DYM: variants seen among roughly 807,000 people sequenced by gnomAD.
DYM encodes dyggve-Melchior-Clausen syndrome protein.
A neutral mutation model predicts 93.1 loss-of-function variants in DYM; 78 were observed. The ratio of observed to expected loss-of-function variants is 0.84; its 90% CI spans 0.70 to 1.01. The LOEUF is 1.01. Ranked by LOEUF, DYM falls within the 50% of genes least tolerant of loss-of-function variation. DYM has a pLI of 0.00. For synonymous variants in DYM, 321 were observed against 319.7 expected (o/e 1.00, Z -0.04); for missense variants, 789 against 845.0 (o/e 0.93, Z 0.82).
intron 17 of DYM, among the ~76,000 whole-genome samples, chr18:49,090,593 C>A (rs1227677768): frequency 1.3e-5 from 2 of 152,188 alleles, no homozygotes; most frequent in Non-Finnish European, 1.5e-5. Flanking sequence ...CCTGAACATA[C>A]ACATGCTCTA....
chr18:49,377,752 G>T (rs143550793), intron 5 of DYM, among the ~76,000 whole-genome samples: 1 of 152,268 alleles, frequency 6.6e-6, no homozygotes, highest in African/African-American at 2.4e-5. Flanking sequence ...TAGCAACACA[G>T]TTGAAACCAC....
At chr18:49,055,371 C>T (rs930298082) in intron 17 of DYM, among the ~76,000 whole-genome samples, 9 of 152,164 alleles carry the variant, frequency 5.9e-5, no homozygotes, top group African/African-American at 2.2e-4. Flanking sequence ...CCATCAGCTG[C>T]GGGGCACCAG....
At chr18:49,236,203 A>T (rs77907859) in intron 13 of DYM, among the ~76,000 whole-genome samples, 11,680 of 152,298 alleles carry the variant, frequency 0.077, 735 homozygotes, top group East Asian at 0.31. Context: ...TAAATAGGCC[A>T]GGCACAGTGG....
At chr18:49,420,249 G>T (rs1413185069) in intron 2 of DYM, among the ~76,000 whole-genome samples, 4 of 144,590 alleles carry the variant, frequency 2.8e-5, no homozygotes, top group South Asian at 4.5e-4. Flanking sequence ...CTCCCCACAA[G>T]CTCTGCCGCG....
chr18:49,243,185 TC>T (rs1400449480), intron 13 of DYM, among the ~76,000 whole-genome samples: 1 of 152,050 alleles, frequency 6.6e-6, no homozygotes, highest in Non-Finnish European at 1.5e-5. Context: ...TTCTCCTGGG[TC>T]CCACTTTCAT....
chr18:49,171,327 A>G (rs914871838), intron 14 of DYM, among the ~76,000 whole-genome samples: 6 of 152,126 alleles, frequency 3.9e-5, no homozygotes, highest in African/African-American at 1.4e-4. Flanking sequence ...AGCCCTGCCA[A>G]TCCTCACAAC....
intron 15 of DYM, among the ~76,000 whole-genome samples, chr18:49,142,768 T>A (rs978735673): frequency 4.6e-5 from 7 of 152,178 alleles, no homozygotes; most frequent in African/African-American, 1.7e-4. Context: ...ACCCTGGGCA[T>A]CACTTACCAG....
chr18:49,177,093 T>C (rs2089466102), intron 14 of DYM, among the ~76,000 whole-genome samples: 2 of 152,272 alleles, frequency 1.3e-5, no homozygotes, highest in Middle Eastern at 3.4e-3. Context: ...TTAAAAATCC[T>C]ATGGCACAGT....
intron 2 of DYM, among the ~76,000 whole-genome samples, chr18:49,398,429 G>C (rs903486212): frequency 8.5e-5 from 13 of 152,148 alleles, no homozygotes; most frequent in African/African-American, 3.1e-4. Context: ...CCTAGCCCAA[G>C]TCTTAGAGAA....
intron 2 of DYM, among the ~76,000 whole-genome samples, chr18:49,429,115 A>G (rs1349887670): frequency 6.6e-6 from 1 of 152,114 alleles, no homozygotes; most frequent in Admixed American, 6.5e-5. Flanking sequence ...TGACCTCCCT[A>G]CCATCTTCAA....
chr18:49,268,625 C>T (rs1321471359), intron 11 of DYM, among the ~76,000 whole-genome samples: 2 of 152,108 alleles, frequency 1.3e-5, no homozygotes, highest in Admixed American at 1.3e-4. Flanking sequence ...TGTGTGGTTA[C>T]AGTTACTTTT....
At chr18:49,293,605 G>C (rs950615681) in intron 8 of DYM, among the ~76,000 whole-genome samples, 10 of 152,234 alleles carry the variant, frequency 6.6e-5, no homozygotes, top group African/African-American at 2.4e-4. Flanking sequence ...ATGTTTGTTG[G>C]CTGCATAAAT....
At chr18:49,399,142 GCAGA>G in intron 2 of DYM, among the ~76,000 whole-genome samples, 1 of 152,294 alleles carries the variant, frequency 6.6e-6, no homozygotes, top group Admixed American at 6.5e-5. Context: ...GAATGAAAAA[GCAGA>G]CAGACAGTTC....
chr18:49,097,862 A>G (rs1213044267), intron 16 of DYM, among the ~76,000 whole-genome samples: 1 of 143,054 alleles, frequency 7.0e-6, no homozygotes, highest in African/African-American at 2.6e-5. Flanking sequence ...TCACTTTTGA[A>G]GCTTAATATT....
intron 17 of DYM, among the ~76,000 whole-genome samples, chr18:49,071,665 C>T (rs1219379282): frequency 6.6e-6 from 1 of 152,182 alleles, no homozygotes; most frequent in Non-Finnish European, 1.5e-5. Flanking sequence ...TAAATCACTA[C>T]TTACTTGGGG....
chr18:49,456,756 G>A (rs1188014866), intron 1 of DYM, among the ~76,000 whole-genome samples: 1 of 152,130 alleles, frequency 6.6e-6, no homozygotes, highest in African/African-American at 2.4e-5. Flanking sequence ...AGTAATGTGA[G>A]GATAACTTAC....
intron 8 of DYM, among the ~76,000 whole-genome samples, chr18:49,303,228 A>G (rs1484613149): frequency 6.6e-6 from 1 of 152,140 alleles, no homozygotes; most frequent in African/African-American, 2.4e-5. Flanking sequence ...TCTCTTAGGC[A>G]TTTTGCCCCT....
chr18:49,382,412 A>G (rs1007409342), intron 3 of DYM, among the ~76,000 whole-genome samples: 3 of 152,248 alleles, frequency 2.0e-5, no homozygotes, highest in Non-Finnish European at 4.4e-5. Flanking sequence ...TAATAAAATT[A>G]AATACACTCA....
chr18:49,173,014 T>G (rs949630690), intron 14 of DYM, among the ~76,000 whole-genome samples: 4 of 72,284 alleles, frequency 5.5e-5, no homozygotes, highest in African/African-American at 1.4e-4. Flanking sequence ...GGTTTGGGTG[T>G]TTTTTTTTTA....
Sources: gnomAD v4.1 joint callset for allele counts (sites outside exome capture counted in the v4.1 genomes callset) on GRCh38, gnomAD v4.1.1 for gene constraint, MANE v1.5 for transcripts, NCBI Gene and HGNC (gene_info 2026-07-23, HGNC 2026-07-21) for gene names.